The following XPO4 variants were observed in gnomAD, a reference collection of about 807,000 sequenced individuals.
XPO4 encodes exportin 4.
In XPO4, 39 loss-of-function variants were observed where a neutral mutation model predicts 143.0. The ratio of observed to expected loss-of-function variants is 0.27; its 90% CI spans 0.21 to 0.36. XPO4 has a LOEUF of 0.36. XPO4 is among the 10% of genes least tolerant of loss of function. The pLI is 1.00. For synonymous variants in XPO4, 439 were observed against 474.0 expected, an observed-to-expected ratio of 0.93 and a Z score of 0.96; for missense variants, 907 against 1,348.0, an observed-to-expected ratio of 0.67 and a Z score of 5.12.
At chr13:20,867,522 G>A (rs1373713374) in intron 2 of XPO4, among the ~76,000 whole-genome samples, 1 of 152,104 alleles carries the variant, frequency 6.6e-6, no homozygotes, top group Non-Finnish European at 1.5e-5. Context: ...ATTGCCATAA[G>A]GCAGATGAAA....
chr13:20,860,307 C>T (rs544753799), intron 3 of XPO4, among the ~76,000 whole-genome samples: 36 of 152,286 alleles, frequency 2.4e-4, no homozygotes, highest in African/African-American at 7.5e-4. Flanking sequence ...CTTCTATAAA[C>T]ACAGAGGCCC....
Position 20,862,952 on chromosome 13 carries a change from A to C in XPO4, c.176-94T>G. 4 of 1,564,310 alleles carry C rather than the reference A, an allele frequency of 2.6e-6. No individual in the cohort carries two copies. In the Admixed American group the frequency reaches 5.5e-5, roughly 22 times the overall value. Reference sequence around the variant, plus strand: ...ATTTTAAAACAGAACTTTTCAGACAAGGAATAAGATGGTTACCTGTTCTTT... The same window carrying C: ...ATTTTAAAACAGAACTTTTCAGACACGGAATAAGATGGTTACCTGTTCTTT... On this transcript the variant is annotated intron_variant, in intron 2 of 22. Transcript: ENST00000255305.
At chr13:20,815,169 G>C (rs2059633340) in intron 9 of XPO4, among the ~76,000 whole-genome samples, 1 of 152,168 alleles carries the variant, frequency 6.6e-6, no homozygotes, top group East Asian at 1.9e-4. Context: ...GTGAGGGGCA[G>C]GGAAGGATAA....
chr13:20,879,093 T>G, intron 1 of XPO4: 1 of 984,646 alleles, frequency 1.0e-6, no homozygotes, highest in South Asian at 4.7e-5. Flanking sequence ...CAAGCACTCA[T>G]GTGTTTACCC....
intron 1 of XPO4, among the ~76,000 whole-genome samples, chr13:20,873,016 A>G (rs2060315225): frequency 6.6e-6 from 1 of 151,412 alleles, no homozygotes; most frequent in Admixed American, 6.6e-5. Flanking sequence ...AAGGCTTCAC[A>G]CTTCAGAGAT....
chr13:20,858,431 A>G (rs538338300), intron 3 of XPO4, among the ~76,000 whole-genome samples: 1 of 152,306 alleles, frequency 6.6e-6, no homozygotes, highest in Admixed American at 6.5e-5. Context: ...AGTTAAGGGT[A>G]AAAAATGTAC....
intron 1 of XPO4, among the ~76,000 whole-genome samples, chr13:20,873,024 G>T (rs1419716213): frequency 2.0e-5 from 3 of 150,412 alleles, no homozygotes; most frequent in South Asian, 4.2e-4. Context: ...ACACTTCAGA[G>T]ATGGAATCCC....
rs754497404 is a variant in XPO4 at position 20,797,108 on chromosome 13, T to C, written c.2323-51A>G. ...TTAAAGCTCAGTTCTCATGCTTTAT[T>C]TCCTCTGCTTGGATACATATTCACT... is the stretch of plus-strand genomic sequence containing the variant. On this transcript the variant is annotated intron_variant, in intron 16 of 22. Transcript: ENST00000255305. The C allele has an allele frequency of 8.7e-6, 13 of 1,487,928 alleles. No homozygotes were observed. In the South Asian group the frequency reaches 1.6e-4, roughly 19 times the overall value. 92.2% of individuals were successfully genotyped at this position (1,487,928 alleles called of 1,614,324 possible).
rs1271991456 is a variant in XPO4 at position 20,800,388 on chromosome 13, A to G, written c.1978-63T>C. 2.7e-6 allele frequency: 4 copies of G among 1,461,600 alleles called. No individual in the cohort carries two copies. In the African/African-American group the frequency reaches 4.3e-5, roughly 16 times the overall value. 90.5% of individuals were successfully genotyped at this position (1,461,600 alleles called of 1,614,324 possible). On this transcript the variant is annotated intron_variant, in intron 14 of 22. Transcript: ENST00000255305. ...AAGATCAACTCAAGAAAAAAAAAAC[A>G]GAGAAAAATCGAACTGAAATTAGTA...
In XPO4 at chr13:20,783,662, C is replaced by T; in HGVS notation, c.*60G>A. 6.3e-7 allele frequency: 1 copy of T among 1,580,574 alleles called. No homozygotes were observed. The highest frequency in any genetic ancestry group is 8.7e-7 in the Non-Finnish European group (1 of 1,150,594). Reference sequence around the variant, plus strand: ...AGGAATAGGACAAGACTCAAGTCAACTTTCAGCAATTCAGTGCACTTTGCA... The same window carrying T: ...AGGAATAGGACAAGACTCAAGTCAATTTTCAGCAATTCAGTGCACTTTGCA... On this transcript the variant is annotated 3_prime_UTR_variant, in exon 23 of 23. Coordinates refer to ENST00000255305, the MANE Select transcript of XPO4 (RefSeq NM_022459.5).
chr13:20,886,211 G>A (rs2060460449), intron 1 of XPO4, among the ~76,000 whole-genome samples: 1 of 152,046 alleles, frequency 6.6e-6, no homozygotes, highest in African/African-American at 2.4e-5. Context: ...GTATGTATGT[G>A]ACATATTACC....
chr13:20,869,276 T>G (rs900137923), intron 1 of XPO4, among the ~76,000 whole-genome samples: 1 of 152,198 alleles, frequency 6.6e-6, no homozygotes, highest in Non-Finnish European at 1.5e-5. Context: ...CAAAAAAATC[T>G]AGACTTCTCT....
intron 7 of XPO4, among the ~76,000 whole-genome samples, chr13:20,825,619 C>T (rs1029490293): frequency 6.6e-6 from 1 of 152,204 alleles, no homozygotes; most frequent in African/African-American, 2.4e-5. Flanking sequence ...GTTTCCAGTA[C>T]TGCCAGCAAG....
At chr13:20,861,913 C>T (rs571423235) in intron 3 of XPO4, among the ~76,000 whole-genome samples, 3 of 151,340 alleles carry the variant, frequency 2.0e-5, no homozygotes, top group African/African-American at 4.8e-5. Flanking sequence ...CTCAGACTCC[C>T]GAGTAGCTGG....
chr13:20,888,495 T>C (rs1238867662), intron 1 of XPO4, among the ~76,000 whole-genome samples: 24 of 152,228 alleles, frequency 1.6e-4, no homozygotes, highest in Non-Finnish European at 2.9e-5. Context: ...AGACTACAGG[T>C]GCAGGCCTCC....
intron 1 of XPO4, among the ~76,000 whole-genome samples, chr13:20,878,127 T>A (rs967802798): frequency 2.6e-5 from 4 of 152,056 alleles, no homozygotes; most frequent in African/African-American, 4.8e-5. Flanking sequence ...AAGCCAAGAT[T>A]GCATCATGGC....
chr13:20,870,791 A>C (rs996833131), intron 1 of XPO4, among the ~76,000 whole-genome samples: 4 of 151,032 alleles, frequency 2.6e-5, no homozygotes, highest in Admixed American at 6.6e-5. Flanking sequence ...TTCCATTTTC[A>C]AATTATTTTG....
Position 20,818,157 on chromosome 13 carries a change from A to G in XPO4, c.1173+3547T>C, listed in dbSNP as rs1054136876. Among the ~76,000 whole-genome samples the G allele has an allele frequency of 2.0e-5, 3 of 152,202 alleles. No individual in the cohort carries two copies. In the South Asian group the frequency reaches 6.2e-4, roughly 32 times the overall value. Reference sequence around the variant, plus strand: ...TTACCTCTTCAGTTCAGCAATAGATAATAATTTGATTTCTGGGTATAATGA... The same window carrying G: ...TTACCTCTTCAGTTCAGCAATAGATGATAATTTGATTTCTGGGTATAATGA... On this transcript the variant is annotated intron_variant, in intron 9 of 22. Coordinates refer to ENST00000255305, the MANE Select transcript of XPO4 (RefSeq NM_022459.5).
At chr13:20,873,066 T>C (rs1217439952) in intron 1 of XPO4, among the ~76,000 whole-genome samples, 4 of 138,370 alleles carry the variant, frequency 2.9e-5, no homozygotes, top group Non-Finnish European at 6.1e-5. Flanking sequence ...CAATAGGAGG[T>C]GGTAGTAGAG....
Sources: gnomAD v4.1 joint callset for allele counts (sites outside exome capture counted in the v4.1 genomes callset) on GRCh38, gnomAD v4.1.1 for gene constraint, MANE v1.5 for transcripts, NCBI Gene and HGNC (gene_info 2026-07-23, HGNC 2026-07-21) for gene names.